The following MOK variants were observed in gnomAD, a reference collection of about 807,000 sequenced individuals.
MOK encodes the protein MOK protein kinase.
In MOK, 59 loss-of-function variants were observed where a neutral mutation model predicts 54.2. The ratio of observed to expected loss-of-function variants is 1.09; its 90% CI spans 0.88 to 1.35. The LOEUF (loss-of-function observed/expected upper bound fraction) is 1.35, where lower values mean the gene tolerates loss of function less well. Ranked by LOEUF, MOK falls within the 40% of genes most tolerant of loss-of-function variation. MOK has a pLI of 0.00. For synonymous variants in MOK, 210 were observed against 202.7 expected, an observed-to-expected ratio of 1.04 and a Z score of -0.31; for missense variants, 517 against 526.2, an observed-to-expected ratio of 0.98 and a Z score of 0.17.
At chr14:102,292,029 T>C (rs770629739) in intron 1 of MOK, among the ~76,000 whole-genome samples, 1 of 152,028 alleles carries the variant, frequency 6.6e-6, no homozygotes, top group African/African-American at 2.4e-5. Flanking sequence ...CACTGTGCCA[T>C]GCACTGTAGA....
chr14:102,219,436 T>C, the MOK span, among the ~76,000 whole-genome samples: 1 of 152,252 alleles, frequency 6.6e-6, no homozygotes, highest in Non-Finnish European at 1.5e-5. Flanking sequence ...TGCCTGGCAC[T>C]GATGCCAACG....
chr14:102,248,777 CAA>C (rs1228394075), intron 7 of MOK, among the ~76,000 whole-genome samples: 6 of 49,102 alleles, frequency 1.2e-4, no homozygotes, highest in Admixed American at 2.1e-4. Flanking sequence ...GACTCCGTCT[CAA>C]AAAAAAAAAA....
rs2065648904 is a variant in MOK, at chr14:102,240,725, C to A, written c.591-6936G>T. 1 of 152,274 alleles carries A rather than the reference C, an allele frequency of 6.6e-6. No individual in the cohort carries two copies. The highest frequency in any genetic ancestry group is 2.4e-5 in the African/African-American group (1 of 41,440). The allele number at this position is 152,274 out of a possible 1,614,324, so 9.4% of individuals were successfully genotyped here. Reference sequence around the variant, plus strand: ...CGAGGATGCCTGCCTTGGTCATTCACCCACATTCCCTTGGTGGCAAGTCAA... The same window carrying A: ...CGAGGATGCCTGCCTTGGTCATTCAACCACATTCCCTTGGTGGCAAGTCAA... On this transcript the variant is annotated intron_variant, in intron 7 of 11. Coordinates refer to ENST00000361847, the MANE Select transcript of MOK (RefSeq NM_014226.3). The surrounding 1 kb of genome is among the most constrained non-coding windows in gnomAD (Gnocchi z 5.4).
intron 1 of MOK, among the ~76,000 whole-genome samples, chr14:102,301,043 C>G (rs2072136925): frequency 6.6e-6 from 1 of 152,116 alleles, no homozygotes; most frequent in South Asian, 2.1e-4. Context: ...TGCAGTGAGC[C>G]AAGATTGTGC....
downstream of MOK, among the ~76,000 whole-genome samples, chr14:102,227,417 T>TG (rs1394169013): frequency 4.1e-5 from 6 of 145,218 alleles, no homozygotes; most frequent in African/African-American, 1.6e-4. Context: ...CCGACTCCCC[T>TG]GGGACTCCCA....
chr14:102,236,847 G>A lies in MOK; in HGVS notation c.591-3058C>T, dbSNP rs895701742. On this transcript the variant is annotated intron_variant, in intron 7 of 11. Transcript: ENST00000361847. The surrounding 1 kb of genome is among the most constrained non-coding windows in gnomAD (Gnocchi z 4.5). ...TCACGCCGTCTTCTTAGGCCAACAC[G>A]TTCTTCATATAACACCACCATCCTC... 2.0e-5 allele frequency among the ~76,000 whole-genome samples: 3 copies of A among 152,068 alleles called. No homozygotes were observed. The highest frequency in any genetic ancestry group is 2.4e-5 in the African/African-American group (1 of 41,398).
intron 1 of MOK, among the ~76,000 whole-genome samples, chr14:102,286,208 A>T (rs2070054841): frequency 6.9e-6 from 1 of 145,860 alleles, no homozygotes; most frequent in Non-Finnish European, 1.5e-5. Context: ...CTGAGGCAGG[A>T]GAATGGCGTG....
chr14:102,235,163 A>C lies in MOK; in HGVS notation c.591-1374T>G. 2 of 148,292 alleles carry C rather than the reference A, an allele frequency of 1.3e-5. No homozygotes were observed. The highest frequency in any genetic ancestry group is 2.0e-4 in the East Asian group (1 of 5,066). 9.2% of individuals were successfully genotyped at this position (148,292 alleles called of 1,614,324 possible). The stretch of plus-strand genomic sequence containing the variant: ...TGAGTCCTCCCCATCTCCACCCCTT[A>C]CTCGTTCTCGAGCCCAACACGCCCA... On this transcript the variant is annotated intron_variant, in intron 7 of 11. Coordinates refer to ENST00000361847, the MANE Select transcript of MOK (RefSeq NM_014226.3). The surrounding 1 kb of genome is among the most constrained non-coding windows in gnomAD (Gnocchi z 4.4).
At chr14:102,274,848 G>T (rs1221544963) in intron 2 of MOK, among the ~76,000 whole-genome samples, 2 of 151,702 alleles carry the variant, frequency 1.3e-5, no homozygotes, top group Non-Finnish European at 2.9e-5. Context: ...GGTGGTGGGT[G>T]CCTGTAATCC....
At chr14:102,227,951 A>C (rs540695298), downstream of MOK, among the ~76,000 whole-genome samples, 12 of 152,340 alleles carry the variant, frequency 7.9e-5, no homozygotes, top group South Asian at 6.2e-4. Flanking sequence ...TTTCAAAAAT[A>C]TCTCTTTAAG....
At chr14:102,247,615 G>GA (rs1172559247) in intron 7 of MOK, among the ~76,000 whole-genome samples, 1 of 152,172 alleles carries the variant, frequency 6.6e-6, no homozygotes, top group Non-Finnish European at 1.5e-5. Flanking sequence ...AGATAGCTTG[G>GA]AAGAGATAGC....
At chr14:102,261,399 AAAAAAAAAAAAAAAAAAAAAT>A (rs1482630261) in intron 4 of MOK, among the ~76,000 whole-genome samples, 3 of 72,372 alleles carry the variant, frequency 4.1e-5, no homozygotes, top group Non-Finnish European at 7.7e-5. Context: ...AAAAAAAAAA[AAAAAAAAAAAAAAAAAAAAAT>A]ATATATATAT....
chr14:102,256,579 A>G lies in MOK; in HGVS notation c.284-4584T>C, dbSNP rs536265964. Among the ~76,000 whole-genome samples, 3 of 152,200 alleles carry G rather than the reference A, an allele frequency of 2.0e-5. No individual in the cohort carries two copies. In the East Asian group the frequency reaches 5.8e-4, roughly 30 times the overall value. ...AGAGCGAGACTCCGTCTCAAAAAAA[A>G]AAAATTGTTTTTTTGTACAGACAGA... On this transcript the variant is annotated intron_variant, in intron 4 of 11. Transcript: ENST00000361847.
In MOK at chr14:102,231,359, G is replaced by T; in HGVS notation, c.981+348C>A. ...TGGCGCCTCCCTCCAGGGCCGTTCT[G>T]AGGGGCGATGTCTGCACGGTGCTTT... On this transcript the variant is annotated intron_variant, in intron 10 of 11. Transcript: ENST00000361847. The surrounding 1 kb of genome is among the most constrained non-coding windows in gnomAD (Gnocchi z 4.4). 5.4e-6 allele frequency: 1 copy of T among 186,526 alleles called. No individual in the cohort carries two copies. The highest frequency in any genetic ancestry group is 1.1e-5 in the Non-Finnish European group (1 of 90,922). 11.6% of individuals were successfully genotyped at this position (186,526 alleles called of 1,614,324 possible).
chr14:102,241,845 G>A (rs907904658), intron 7 of MOK, among the ~76,000 whole-genome samples: 4 of 152,168 alleles, frequency 2.6e-5, no homozygotes, highest in Non-Finnish European at 2.9e-5. Flanking sequence ...ACTTCCAAAC[G>A]TCTGAACCGC....
intron 4 of MOK, among the ~76,000 whole-genome samples, chr14:102,260,423 G>GAACAGTGCCTGGCCATATGGGT (rs1279530620): frequency 1.3e-5 from 2 of 152,142 alleles, no homozygotes; most frequent in African/African-American, 4.8e-5. Context: ...AAAGTATTAA[G>GAACAGTGCCTGGCCATATGGGT]AACAGTGCCT....
rs537505670 is a variant in MOK, at chr14:102,249,546, C to T, written c.590+1266G>A. The stretch of plus-strand genomic sequence containing the variant: ...CCAACATGGAGAAACCCCGTCTCTA[C>T]TAAAAATACAAAATTAGCCGGGCGT... On this transcript the variant is annotated intron_variant, in intron 7 of 11. Transcript: ENST00000361847. The surrounding 1 kb of genome is among the most constrained non-coding windows in gnomAD (Gnocchi z 5.3). Among the ~76,000 whole-genome samples the T allele has an allele frequency of 3.3e-4, 50 of 152,216 alleles. 1 individual carries two copies. In the Middle Eastern group the frequency reaches 0.024, roughly 72 times the overall value.
At chr14:102,247,734 C>T (rs556904087) in intron 7 of MOK, among the ~76,000 whole-genome samples, 3 of 152,322 alleles carry the variant, frequency 2.0e-5, no homozygotes. Flanking sequence ...GACTCTGCCT[C>T]TTTCTAGATG....
chr14:102,233,779 G>A lies in MOK; in HGVS notation c.601C>T (p.Leu201Phe), dbSNP rs1253865643. ...TCCAGTTCATTTACTCCAGGAAAGA[G>A]GGGCTGCAGACTGGAAGGGCAGAAG... ...VFYEIASLQP[L>F]FPGVNELDQI... Residue 201 changes from leucine (L) to phenylalanine (F), a missense_variant, in exon 8 of 12, where the codon CTC (leucine) becomes TTC (phenylalanine). Leu to Phe is a conservative substitution (Grantham distance 22, BLOSUM62 0). Coordinates refer to ENST00000361847, the MANE Select transcript of MOK (RefSeq NM_014226.3). 15 of 1,613,778 alleles carry A rather than the reference G, an allele frequency of 9.3e-6. No individual in the cohort carries two copies. The highest frequency in any genetic ancestry group is 2.2e-5 in the East Asian group (1 of 44,878).
Sources: allele counts gnomAD v4.1 joint callset (sites outside exome capture counted in the v4.1 genomes callset), GRCh38; gene constraint gnomAD v4.1.1; non-coding constraint Gnocchi (gnomAD v3.1); transcripts MANE v1.5; gene names NCBI Gene and HGNC (gene_info 2026-07-23, HGNC 2026-07-21).